CPED1: variants seen among roughly 807,000 people sequenced by gnomAD.
CPED1 encodes the protein cadherin like and PC-esterase domain containing 1.
A neutral mutation model predicts 128.2 loss-of-function variants in CPED1; 114 were observed. The observed-to-expected ratio is 0.89, with a 90% CI of 0.76 to 1.04. CPED1 has a LOEUF of 1.04. CPED1 is among the 50% of genes least tolerant of loss of function. CPED1 has a pLI of 0.00. For synonymous variants in CPED1, 462 were observed against 426.7 expected, an observed-to-expected ratio of 1.08 and a Z score of -1.02; for missense variants, 1,211 against 1,207.1, an observed-to-expected ratio of 1.00 and a Z score of -0.05.
intron 16 of CPED1, among the ~76,000 whole-genome samples, chr7:121,233,332 A>G (rs1419548831): frequency 1.3e-5 from 2 of 152,092 alleles, no homozygotes; most frequent in Admixed American, 6.6e-5. Context: ...ACTCTGCTAA[A>G]TACTACATTT....
At chr7:121,088,658 C>CAAA (rs36134514) in intron 5 of CPED1, among the ~76,000 whole-genome samples, 1,638 of 136,570 alleles carry the variant, frequency 0.012, 28 homozygotes, top group African/African-American at 0.04. Flanking sequence ...GACTGCTTCT[C>CAAA]AAAAAAAAAA....
At chr7:121,155,983 C>G (rs1410386462) in intron 16 of CPED1, among the ~76,000 whole-genome samples, 2 of 151,990 alleles carry the variant, frequency 1.3e-5, no homozygotes, top group African/African-American at 2.4e-5. Flanking sequence ...AATATGTAAA[C>G]AACTCAAACA....
rs547658339 is a variant in CPED1, at chr7:121,057,031, G to T, written c.541-7207G>T. The stretch of plus-strand genomic sequence containing the variant: ...CTCACTCTGCTGCCTAGGCTGGAGT[G>T]CAATGGCGCAATCTCGGCTCACTGA... On this transcript the variant is annotated intron_variant, in intron 4 of 22. Coordinates refer to ENST00000310396, the MANE Select transcript of CPED1 (RefSeq NM_024913.5). Among the ~76,000 whole-genome samples, 201 of 151,930 alleles carry T rather than the reference G, an allele frequency of 1.3e-3. 1 individual carries two copies. Among genetic ancestry groups the T allele is most frequent in the African/African-American group, 4.8e-3 (197 of 41,380 alleles).
At chr7:121,162,354 A>G (rs528429105) in intron 16 of CPED1, among the ~76,000 whole-genome samples, 24 of 152,372 alleles carry the variant, frequency 1.6e-4, no homozygotes, top group Non-Finnish European at 2.8e-4. Context: ...CAAGTTTTAC[A>G]TATTGATAAC....
intron 5 of CPED1, among the ~76,000 whole-genome samples, chr7:121,074,477 A>G (rs944841286): frequency 1.5e-5 from 2 of 135,386 alleles, no homozygotes; most frequent in Admixed American, 7.9e-5. Flanking sequence ...CCTAGTGCTC[A>G]CTTCACTTCC....
chr7:121,183,499 G>C (rs1478233789), intron 16 of CPED1, among the ~76,000 whole-genome samples: 2 of 152,152 alleles, frequency 1.3e-5, no homozygotes, highest in African/African-American at 4.8e-5. Flanking sequence ...TTAGATGACT[G>C]ACAGTCTTCT....
chr7:121,193,462 T>C (rs539618668), intron 16 of CPED1, among the ~76,000 whole-genome samples: 1 of 152,234 alleles, frequency 6.6e-6, no homozygotes, highest in Non-Finnish European at 1.5e-5. Context: ...TGTGTCAAAG[T>C]TCCTACTGGG....
intron 12 of CPED1, among the ~76,000 whole-genome samples, chr7:121,133,195 T>A (rs1459737076): frequency 2.0e-5 from 3 of 152,070 alleles, no homozygotes; most frequent in Non-Finnish European, 2.9e-5. Flanking sequence ...CTGTTCTTTA[T>A]CATCAGGACC....
intron 4 of CPED1, among the ~76,000 whole-genome samples, chr7:121,048,338 T>G (rs553886836): frequency 2.6e-5 from 4 of 152,324 alleles, no homozygotes; most frequent in Non-Finnish European, 4.4e-5. Context: ...TTCAGAAGCT[T>G]CAGCGCTTCT....
At chr7:121,218,129 C>A (rs905978783) in intron 16 of CPED1, among the ~76,000 whole-genome samples, 6 of 151,214 alleles carry the variant, frequency 4.0e-5, no homozygotes, top group Admixed American at 1.3e-4. Flanking sequence ...GAATTACAGG[C>A]ACCCTCCACC....
intron 4 of CPED1, among the ~76,000 whole-genome samples, chr7:121,055,408 T>C (rs1407694411): frequency 6.6e-6 from 1 of 151,948 alleles, no homozygotes; most frequent in African/African-American, 2.4e-5. Flanking sequence ...TTACAGTAAA[T>C]TAATTTTTTA....
intron 5 of CPED1, among the ~76,000 whole-genome samples, chr7:121,073,320 G>A (rs1265370488): frequency 6.6e-6 from 1 of 152,150 alleles, no homozygotes; most frequent in Non-Finnish European, 1.5e-5. Context: ...ATGCTGAGTA[G>A]ATTGAGGAGA....
chr7:121,187,041 G>C (rs1041862698), intron 16 of CPED1, among the ~76,000 whole-genome samples: 18 of 152,074 alleles, frequency 1.2e-4, no homozygotes, highest in Admixed American at 9.8e-4. Context: ...AATTTTCTGG[G>C]GTACAGTGGG....
intron 16 of CPED1, among the ~76,000 whole-genome samples, chr7:121,233,891 C>T (rs1215595354): frequency 5.9e-5 from 9 of 152,006 alleles, no homozygotes; most frequent in East Asian, 1.9e-4. Flanking sequence ...ATACCCTAGG[C>T]TCATTCTATT....
intron 7 of CPED1, among the ~76,000 whole-genome samples, chr7:121,119,912 T>C (rs570268779): frequency 1.3e-5 from 2 of 152,262 alleles, no homozygotes; most frequent in South Asian, 4.1e-4. Flanking sequence ...AGTGGAATAA[T>C]CCAGTGTCTT....
chr7:121,281,741 CTT>C (rs1792469427), intron 22 of CPED1, among the ~76,000 whole-genome samples: 1 of 152,088 alleles, frequency 6.6e-6, no homozygotes, highest in Non-Finnish European at 1.5e-5. Flanking sequence ...AAATATTTGT[CTT>C]TGAAACACTG....
rs950905958 is a variant in CPED1, at chr7:121,008,468, A to G, written c.250-7197A>G. 7.2e-5 allele frequency among the ~76,000 whole-genome samples: 11 copies of G among 152,318 alleles called. No homozygotes were observed. In the South Asian group the frequency reaches 2.3e-3, roughly 32 times the overall value. On this transcript the variant is annotated intron_variant, in intron 2 of 22. Transcript: ENST00000310396. ...ACAGCAAGGACCTTCAAGAGAAAAA[A>G]GACAATTCTTCAAGGCAAGGAAAAG...
chr7:121,082,038 G>A (rs989732607), intron 5 of CPED1, among the ~76,000 whole-genome samples: 2 of 152,134 alleles, frequency 1.3e-5, no homozygotes, highest in Non-Finnish European at 2.9e-5. Flanking sequence ...CCTAAAGGAA[G>A]GAATTTACAG....
intron 22 of CPED1, among the ~76,000 whole-genome samples, chr7:121,277,789 G>A (rs1247022645): frequency 6.6e-6 from 1 of 152,124 alleles, no homozygotes; most frequent in African/African-American, 2.4e-5. Flanking sequence ...AAAGTGAGTA[G>A]AGTGGCTGAG....
Sources: allele counts gnomAD v4.1 joint callset (sites outside exome capture counted in the v4.1 genomes callset), GRCh38; gene constraint gnomAD v4.1.1; transcripts MANE v1.5; gene names NCBI Gene and HGNC (gene_info 2026-07-23, HGNC 2026-07-21).